FMN2: variants seen among roughly 807,000 people sequenced by gnomAD.
The protein encoded by FMN2 is formin-2.
Under a neutral mutation model 142.3 loss-of-function variants are expected in FMN2, and 51 were observed. That is an observed-to-expected ratio of 0.36 (90% CI 0.29 to 0.45). FMN2 has a LOEUF of 0.45. FMN2 is among the 20% of genes least tolerant of loss of function. The probability of loss-of-function intolerance (pLI) is 1.00; values close to 1 mark genes in which losing one functional copy is unlikely to be tolerated. For missense variants in FMN2, 1,936 were observed against 2,122.8 expected (o/e 0.91, Z 1.73); for synonymous variants, 882 against 869.8 (o/e 1.01, Z -0.25).
At chr1:240,408,073 A>G (rs1321723171) in intron 15 of FMN2, among the ~76,000 whole-genome samples, 3 of 152,220 alleles carry the variant, frequency 2.0e-5, no homozygotes, top group Non-Finnish European at 4.4e-5. Flanking sequence ...TTATTTTTAA[A>G]TGGTATGAAA....
rs1189448948 is a variant in FMN2, at chr1:240,092,767, C to G, written c.658C>G (p.Gln220Glu). 2 of 1,589,542 alleles carry G rather than the reference C, an allele frequency of 1.3e-6. No homozygotes were observed. Among genetic ancestry groups the G allele is most frequent in the Non-Finnish European group, 1.7e-6 (2 of 1,169,636 alleles). The part of the protein sequence containing the change: ...QQQLQLQLQQ[Q>E]QQQQQLQGAE... ...GCAGCTCCAGCTCCAGCTCCAGCAA[C>G]AGCAGCAGCAGCAGCAGCTCCAGGG... Residue 220 changes from glutamine (Q) to glutamate (E), a missense_variant, in exon 1 of 18, where the codon CAG becomes GAG. Physicochemically the swap from Gln to Glu is conservative, Grantham distance 29. Transcript: ENST00000319653.
At chr1:240,371,539 C>A (rs1463915919) in intron 14 of FMN2, among the ~76,000 whole-genome samples, 1 of 152,090 alleles carries the variant, frequency 6.6e-6, no homozygotes, top group Non-Finnish European at 1.5e-5. Context: ...AAATTTTAAA[C>A]CTTTTTTGTT....
Position 240,319,760 on chromosome 1 carries a change from G to A in FMN2, c.4216-9316G>A, listed in dbSNP as rs181755476. ...GTATAAGTGTGGAGCCACTTTGTTC[G>A]TGTATTTGGCCATAAGGAAGAATGA... On this transcript the variant is annotated intron_variant, in intron 8 of 17. Coordinates refer to ENST00000319653, the MANE Select transcript of FMN2 (RefSeq NM_020066.5). 1.4e-4 allele frequency among the ~76,000 whole-genome samples: 21 copies of A among 152,120 alleles called. No individual in the cohort carries two copies. The South Asian group carries it at 2.1e-3, about 15-fold the overall frequency.
intron 2 of FMN2, among the ~76,000 whole-genome samples, chr1:240,127,727 G>A (rs1267973303): frequency 2.0e-5 from 3 of 152,108 alleles, no homozygotes; most frequent in Non-Finnish European, 2.9e-5. Context: ...CAGTCCTCCT[G>A]CCTTGGCCTC....
intron 15 of FMN2, among the ~76,000 whole-genome samples, chr1:240,394,134 G>T (rs1673697727): frequency 6.6e-6 from 1 of 152,166 alleles, no homozygotes. Context: ...TGGGTGAAGG[G>T]TCTGGCCTCT....
chr1:240,391,410 G>A (rs1673598054), intron 14 of FMN2, among the ~76,000 whole-genome samples: 1 of 147,856 alleles, frequency 6.8e-6, no homozygotes, highest in South Asian at 2.2e-4. Context: ...GAGTGACCAT[G>A]GGTTTTATTT....
At chr1:240,388,996 C>A (rs910574586) in intron 14 of FMN2, among the ~76,000 whole-genome samples, 1 of 152,034 alleles carries the variant, frequency 6.6e-6, no homozygotes, top group Non-Finnish European at 1.5e-5. Flanking sequence ...GCTGCTTTTG[C>A]TACCCTATAA....
intron 1 of FMN2, among the ~76,000 whole-genome samples, chr1:240,114,979 T>C (rs939535717): frequency 2.0e-5 from 3 of 152,110 alleles, no homozygotes; most frequent in African/African-American, 7.2e-5. Flanking sequence ...CTTTTGCACA[T>C]TTTGGCTGGA....
chr1:240,385,058 A>C (rs1558464541), intron 14 of FMN2, among the ~76,000 whole-genome samples: 2 of 152,196 alleles, frequency 1.3e-5, no homozygotes, highest in Non-Finnish European at 2.9e-5. Flanking sequence ...AAATATTGTA[A>C]TGTTAAATTA....
intron 2 of FMN2, among the ~76,000 whole-genome samples, chr1:240,124,857 G>A (rs1163680650): frequency 3.9e-5 from 6 of 152,058 alleles, no homozygotes; most frequent in Non-Finnish European, 5.9e-5. Context: ...TAGTAGAGAC[G>A]GGGTTTCACC....
intron 1 of FMN2, among the ~76,000 whole-genome samples, chr1:240,110,493 G>A (rs530390431): frequency 3.9e-5 from 6 of 152,176 alleles, no homozygotes; most frequent in African/African-American, 1.4e-4. Flanking sequence ...CTTCTTCATT[G>A]TGCAAGAGGA....
chr1:240,279,015 C>T (rs1450090178), intron 7 of FMN2, among the ~76,000 whole-genome samples: 1 of 152,060 alleles, frequency 6.6e-6, no homozygotes, highest in Non-Finnish European at 1.5e-5. Context: ...AACCTGAGCT[C>T]GAACTGTAAT....
Position 240,206,987 on chromosome 1 carries a change from T to G in FMN2, c.2175T>G (p.Ala725=). 1 of 1,614,110 alleles carries G rather than the reference T, an allele frequency of 6.2e-7. No individual in the cohort carries two copies. The highest frequency in any genetic ancestry group is 1.1e-5 in the South Asian group (1 of 91,084). ...VTASGDVCLE[A]LRLEEKEVRH... is the part of the protein sequence containing the mutation. ...CCTCAGGCGATGTCTGTCTCGAAGC[T>G]CTCAGGTTAGAAGAAAAGGAAGTAC... The change falls in exon 5 of 18, where the codon GCT becomes GCG. Residue 725 remains alanine (A), a synonymous_variant. Coordinates refer to ENST00000319653, the MANE Select transcript of FMN2 (RefSeq NM_020066.5).
intron 5 of FMN2, among the ~76,000 whole-genome samples, chr1:240,210,876 TTTCA>T (rs1301878504): frequency 6.6e-6 from 1 of 152,100 alleles, no homozygotes; most frequent in Non-Finnish European, 1.5e-5. Flanking sequence ...TGGGGAAAAA[TTTCA>T]TTCATGGATG....
intron 14 of FMN2, among the ~76,000 whole-genome samples, chr1:240,368,651 T>C (rs932094923): frequency 1.3e-5 from 2 of 151,730 alleles, no homozygotes; most frequent in African/African-American, 4.9e-5. Context: ...TTATTTGCTA[T>C]GTAGTTTCTT....
chr1:240,306,640 A>G (rs929981734), intron 8 of FMN2, among the ~76,000 whole-genome samples: 1 of 152,208 alleles, frequency 6.6e-6, no homozygotes, highest in African/African-American at 2.4e-5. Context: ...TTCTTTATCC[A>G]GTCCACTGTT....
intron 3 of FMN2, among the ~76,000 whole-genome samples, chr1:240,179,825 G>A (rs2124725): frequency 0.22 from 33,921 of 151,860 alleles, 3,983 homozygotes; most frequent in African/African-American, 0.29. Flanking sequence ...CCCATGTTTT[G>A]CATCATTGAT....
At chr1:240,184,421 A>C (rs1665299865) in intron 3 of FMN2, among the ~76,000 whole-genome samples, 1 of 150,154 alleles carries the variant, frequency 6.7e-6, no homozygotes, top group Non-Finnish European at 1.5e-5. Flanking sequence ...TTTTTAGTAG[A>C]GACGGGGTTT....
At chr1:240,461,622 A>G (rs1381627274) in intron 16 of FMN2, among the ~76,000 whole-genome samples, 1 of 152,212 alleles carries the variant, frequency 6.6e-6, no homozygotes, top group Non-Finnish European at 1.5e-5. Context: ...TATCATTTTC[A>G]TAGTAATAAT....
Sources: allele counts gnomAD v4.1 joint callset (sites outside exome capture counted in the v4.1 genomes callset), GRCh38; gene constraint gnomAD v4.1.1; transcripts MANE v1.5; gene names NCBI Gene and HGNC (gene_info 2026-07-23, HGNC 2026-07-21).